DOP1A: variants seen among roughly 807,000 people sequenced by gnomAD.
The protein encoded by DOP1A is DOP1 leucine zipper like protein A.
In DOP1A, 90 loss-of-function variants were observed where a neutral mutation model predicts 267.6. The ratio of observed to expected loss-of-function variants is 0.34; its 90% confidence interval spans 0.28 to 0.40. The LOEUF (loss-of-function observed/expected upper bound fraction) is 0.40, where lower values mean the gene tolerates loss of function less well. Among genes scored for constraint, DOP1A ranks in the 10% least tolerant of loss-of-function variants. The probability of loss-of-function intolerance (pLI) is 1.00; values close to 1 mark genes in which losing one functional copy is unlikely to be tolerated. For missense variants in DOP1A, 2,437 were observed against 2,900.4 expected (o/e 0.84, Z 3.67); for synonymous variants, 932 against 999.1 (o/e 0.93, Z 1.27).
chr6:83,080,860 A>G (rs1466763523), intron 1 of DOP1A, among the ~76,000 whole-genome samples: 1 of 152,198 alleles, frequency 6.6e-6, no homozygotes, highest in Non-Finnish European at 1.5e-5. Context: ...TACAATTCCT[A>G]TCAAAAGACC....
intron 17 of DOP1A, among the ~76,000 whole-genome samples, chr6:83,131,834 G>T (rs563144815): frequency 2.0e-5 from 3 of 151,840 alleles, no homozygotes; most frequent in African/African-American, 7.3e-5. Context: ...ACAAGGTTTC[G>T]CCACGTTGGC....
At position 83,137,570 on chromosome 6, in the gene DOP1A, A is replaced by C; in HGVS notation, c.3528A>C (p.Glu1176Asp). Residue 1176 changes from glutamate to aspartate, a missense_variant, in exon 21 of 39, where the codon GAA (glutamate) becomes GAC (aspartate). Transcript: ENST00000349129. ...CTGCATCAGTTACATCTCAATTAGA[A>C]ATTGAAGCTATGCCCCCAAAGTGCA... is the stretch of plus-strand genomic sequence containing the variant. ...VESASVTSQL[E>D]IEAMPPKCSD... 4 of 1,613,824 alleles carry C rather than the reference A, an allele frequency of 2.5e-6. No individual in the cohort carries two copies. Among genetic ancestry groups the C allele is most frequent in the South Asian group, 1.1e-5 (1 of 91,068 alleles).
chr6:83,148,923 C>T, intron 27 of DOP1A, 60 bp downstream of exon 27: 1 of 1,030,598 alleles, frequency 9.7e-7, no homozygotes, highest in Admixed American at 3.1e-5. Flanking sequence ...GTCCTAGTTG[C>T]CAAGTATTAG....
chr6:83,149,058 G>A (rs986027697), intron 27 of DOP1A, among the ~76,000 whole-genome samples, 195 bp downstream of exon 27: 5 of 151,978 alleles, frequency 3.3e-5, no homozygotes, highest in Non-Finnish European at 7.4e-5. Context: ...GGAGGAAACA[G>A]TCTATGTTTA....
chr6:83,138,411 A>T lies in DOP1A; in HGVS notation c.4369A>T (p.Ile1457Phe). The T allele has an allele frequency of 3.1e-6, 5 of 1,611,388 alleles. No individual in the cohort carries two copies. Among genetic ancestry groups the T allele is most frequent in the Non-Finnish European group, 3.4e-6 (4 of 1,179,810 alleles). Residue 1457 changes from isoleucine to phenylalanine, a missense_variant, in exon 21 of 39, where the codon ATT becomes TTT. Ile to Phe is a conservative substitution (Grantham distance 21). Around this residue, in one of 9 missense-constraint regions of DOP1A, gnomAD observed 878 missense variants for 992.9 expected, o/e 0.88. Coordinates refer to ENST00000349129, the MANE Select transcript of DOP1A (RefSeq NM_015018.4). ...FRSSMYIEILISLCLYYMRSH... is the reference protein window; with the variant it reads ...FRSSMYIEILFSLCLYYMRSH... ...GAGTTCTATGTACATAGAAATTCTT[A>T]TTTCTCTCTGCTTATATTACATGCG...
chr6:83,111,015 C>G (rs909965444), intron 6 of DOP1A, among the ~76,000 whole-genome samples: 1 of 151,966 alleles, frequency 6.6e-6, no homozygotes, highest in African/African-American at 2.4e-5. Flanking sequence ...TTTTTTTAGT[C>G]ACTCCCCTTC....
At chr6:83,148,676 T>A in intron 26 of DOP1A, 83 bp from the exon 27 acceptor site, 1 of 888,898 alleles carries the variant, frequency 1.1e-6, no homozygotes, top group Non-Finnish European at 1.7e-6. Flanking sequence ...TATCATTGTC[T>A]ATAAAAATTT....
intron 38 of DOP1A, chr6:83,164,848 A>T (rs903786215): frequency 1.5e-6 from 1 of 678,718 alleles, no homozygotes; most frequent in Admixed American, 3.0e-5. Context: ...TCAAGTGTGG[A>T]CTGGTGAAGT....
chr6:83,166,416 C>T lies in DOP1A; in HGVS notation c.7093-1446C>T, dbSNP rs1056919281. The T allele has an allele frequency of 1.7e-5, 12 of 702,020 alleles. No homozygotes were observed. The African/African-American group carries it at 1.9e-4, about 11-fold the overall frequency. The allele number at this position is 702,020 out of a possible 1,614,324, so 43.5% of individuals were successfully genotyped here. A position where few individuals can be genotyped will look rare whatever the true frequency, so the allele number is the denominator to read the frequency against. ...GGCACTGTATGTTCATTAGCAGTTC[C>T]TGGGCCAAATGCATTGTTGATGTTG... On this transcript the variant is annotated intron_variant, in intron 38 of 38. Coordinates refer to ENST00000349129, the MANE Select transcript of DOP1A (RefSeq NM_015018.4).
chr6:83,125,701 A>T lies in DOP1A; in HGVS notation c.1687A>T (p.Asn563Tyr). 1 of 1,612,568 alleles carries T rather than the reference A, an allele frequency of 6.2e-7. No homozygotes were observed. The highest frequency in any genetic ancestry group is 8.5e-7 in the Non-Finnish European group (1 of 1,178,754). The change falls in exon 15 of 39, where the codon AAC becomes TAC. Residue 563 changes from asparagine to tyrosine, a missense_variant. Coordinates refer to ENST00000349129, the MANE Select transcript of DOP1A (RefSeq NM_015018.4). ...GGVLQFPSGQ[N>Y]NSVKEWEDKK... Reference sequence around the variant, plus strand: ...TGTTTTGCAGTTTCCAAGTGGGCAGAACAATTCAGTCAAAGAGTGGGAAGA... The same window carrying T: ...TGTTTTGCAGTTTCCAAGTGGGCAGTACAATTCAGTCAAAGAGTGGGAAGA...
Position 83,096,920 on chromosome 6 carries a change from T to C in DOP1A, c.-53-5T>C. On this transcript the variant is annotated splice_polypyrimidine_tract_variant and splice_region_variant and intron_variant, in intron 2 of 38. Transcript: ENST00000349129. ...CCTTGGTTCCTCCTGCAAACTCTTT[T>C]GTAGGTAATGACTTTACATGAGTTT... The C allele has an allele frequency of 6.3e-7, 1 of 1,581,362 alleles. No individual in the cohort carries two copies. The highest frequency in any genetic ancestry group is 8.6e-7 in the Non-Finnish European group (1 of 1,165,622).
chr6:83,124,969 G>A, intron 13 of DOP1A, 150 bp downstream of exon 13: 6 of 855,974 alleles, frequency 7.0e-6, no homozygotes, highest in Non-Finnish European at 1.1e-5. Flanking sequence ...GATCTTTCAA[G>A]TGTTTGTCCT....
rs902526556 is a variant in DOP1A, at chr6:83,167,779, G to C, written c.7093-83G>C. 4 of 1,460,494 alleles carry C rather than the reference G, an allele frequency of 2.7e-6. No homozygotes were observed. The African/African-American group carries it at 5.7e-5, about 21-fold the overall frequency. 90.5% of individuals were successfully genotyped at this position (1,460,494 alleles called of 1,614,324 possible). A position where few individuals can be genotyped will look rare whatever the true frequency, so the allele number is the denominator to read the frequency against. On this transcript the variant is annotated intron_variant, in intron 38 of 38. Coordinates refer to ENST00000349129, the MANE Select transcript of DOP1A (RefSeq NM_015018.4). ...ATTTGTATTCATTTCTTGACCAATT[G>C]CCAAAGTTTATATATTTTTAATTTT... is the stretch of plus-strand genomic sequence containing the variant.
intron 1 of DOP1A, among the ~76,000 whole-genome samples, chr6:83,070,350 T>G (rs895593215): frequency 1.3e-5 from 2 of 152,214 alleles, no homozygotes; most frequent in African/African-American, 4.8e-5. Flanking sequence ...CCCTTTTTCC[T>G]TTATTGTATT....
At chr6:83,088,177 T>C (rs920541157) in intron 1 of DOP1A, among the ~76,000 whole-genome samples, 6 of 151,398 alleles carry the variant, frequency 4.0e-5, no homozygotes, top group Non-Finnish European at 7.4e-5. Context: ...CGGCCAACCA[T>C]TGATGGGTTT....
chr6:83,152,959 TA>T (rs1455543273), intron 30 of DOP1A, among the ~76,000 whole-genome samples: 1 of 152,184 alleles, frequency 6.6e-6, no homozygotes, highest in African/African-American at 2.4e-5. Context: ...CACTATAATG[TA>T]TTTTACAATT....
Position 83,100,763 on chromosome 6 carries a change from G to C in DOP1A, c.197G>C (p.Arg66Pro). The C allele has an allele frequency of 6.3e-7, 1 of 1,583,598 alleles. No individual in the cohort carries two copies. The highest frequency in any genetic ancestry group is 8.6e-7 in the Non-Finnish European group (1 of 1,163,238). ...VVPKKLTIGKRLAQCLHPALP... is the reference protein window; with the variant it reads ...VVPKKLTIGKPLAQCLHPALP... ...CCCAAAAAGCTGACCATAGGCAAAC[G>C]CCTAGCTCAATGTCTACATCCAGCA... is the stretch of plus-strand genomic sequence containing the variant. Residue 66 changes from arginine to proline, a missense_variant, in exon 4 of 39, where the codon CGC becomes CCC. Around this residue, in one of 9 missense-constraint regions of DOP1A, gnomAD observed 251 missense variants for 359.1 expected, o/e 0.70. Transcript: ENST00000349129.
rs1430217978 is a variant in DOP1A at position 83,138,223 on chromosome 6, C to A, written c.4181C>A (p.Thr1394Asn). Residue 1394 changes from threonine to asparagine, a missense_variant, in exon 21 of 39, where the codon ACT becomes AAT. By Grantham distance (65) the Thr-to-Asn change is moderately conservative. This residue lies in a region of DOP1A where 878 missense variants were observed against 992.9 expected (regional missense o/e 0.88). Transcript: ENST00000349129. Reference protein sequence around the residue: ...AFSAIKAILKTNPIAFVNAIS... With the variant: ...AFSAIKAILKNNPIAFVNAIS... The stretch of plus-strand genomic sequence containing the variant: ...TCTGCCATCAAAGCCATCTTGAAAA[C>A]TAACCCTATAGCTTTTGTAAATGCC... 1.2e-6 allele frequency: 2 copies of A among 1,613,628 alleles called. No individual in the cohort carries two copies. The highest frequency in any genetic ancestry group is 1.7e-6 in the Non-Finnish European group (2 of 1,179,888).
At chr6:83,097,433 A>G (rs895228950) in intron 3 of DOP1A, among the ~76,000 whole-genome samples, 1 of 152,244 alleles carries the variant, frequency 6.6e-6, no homozygotes, top group African/African-American at 2.4e-5. Context: ...GGAGCATCAG[A>G]TATGGTGCTG....
Sources: allele counts gnomAD v4.1 joint callset (sites outside exome capture counted in the v4.1 genomes callset), GRCh38; gene constraint gnomAD v4.1.1; regional missense constraint gnomAD v4.1.1; transcripts MANE v1.5; gene names NCBI Gene and HGNC (gene_info 2026-07-23, HGNC 2026-07-21).